ATL2: variants seen among roughly 807,000 people sequenced by gnomAD.
The protein encoded by ATL2 is atlastin-2.
In ATL2, 31 loss-of-function variants were observed where a neutral mutation model predicts 73.9. The observed-to-expected ratio is 0.42, with a 90% CI of 0.32 to 0.57. ATL2 has a LOEUF of 0.57. ATL2 is among the 20% of genes least tolerant of loss of function. ATL2 has a pLI of 0.14. For synonymous variants in ATL2, 291 were observed against 237.5 expected (o/e 1.23, Z -2.07); for missense variants, 738 against 702.6 (o/e 1.05, Z -0.57).
intron 1 of ATL2, among the ~76,000 whole-genome samples, chr2:38,364,418 G>A (rs954543261): frequency 3.9e-5 from 6 of 152,168 alleles, no homozygotes; most frequent in Non-Finnish European, 8.8e-5. Flanking sequence ...AGTGTAATGC[G>A]CAAATCAGAT....
chr2:38,369,540 C>A (rs890268846), intron 1 of ATL2, among the ~76,000 whole-genome samples: 4 of 151,624 alleles, frequency 2.6e-5, no homozygotes, highest in African/African-American at 9.7e-5. Flanking sequence ...CCCGCCTTAG[C>A]CTCCCAAAGT....
intron 1 of ATL2, among the ~76,000 whole-genome samples, chr2:38,355,218 C>T (rs1670588620): frequency 6.6e-6 from 1 of 152,076 alleles, no homozygotes; most frequent in Non-Finnish European, 1.5e-5. Context: ...CCTCCGCCTC[C>T]TGGGTTCAAG....
chr2:38,377,562 C>T (rs1259646807), upstream of ATL2, among the ~76,000 whole-genome samples: 1 of 152,130 alleles, frequency 6.6e-6, no homozygotes, highest in East Asian at 1.9e-4. Context: ...CTCACACCCC[C>T]ACCTCCCTGA....
intron 2 of ATL2, among the ~76,000 whole-genome samples, chr2:38,319,393 A>C (rs1668196865): frequency 6.6e-6 from 1 of 152,046 alleles, no homozygotes; most frequent in South Asian, 2.1e-4. Context: ...GAGGCCAGGA[A>C]TTTGAGACCA....
At chr2:38,314,786 T>C in intron 5 of ATL2, 122 bp from the exon 6 acceptor site, 1 of 634,864 alleles carries the variant, frequency 1.6e-6, no homozygotes, top group South Asian at 2.4e-5. Flanking sequence ...AGCCAAACAT[T>C]TAATTTTCTA....
chr2:38,356,748 CTG>C (rs2124454225), intron 1 of ATL2, among the ~76,000 whole-genome samples: 1 of 152,266 alleles, frequency 6.6e-6, no homozygotes, highest in African/African-American at 2.4e-5. Flanking sequence ...TTAAATAAAA[CTG>C]AAAATTAAGT....
intron 7 of ATL2, 122 bp from the exon 8 acceptor site, chr2:38,310,569 CT>C (rs919066207): frequency 3.2e-6 from 2 of 616,320 alleles, no homozygotes; most frequent in Non-Finnish European, 4.7e-6. Flanking sequence ...CCTAAGGAGT[CT>C]TTTTTGACAA....
chr2:38,357,905 T>A (rs1670771151), intron 1 of ATL2, among the ~76,000 whole-genome samples: 1 of 152,110 alleles, frequency 6.6e-6, no homozygotes, highest in Non-Finnish European at 1.5e-5. Context: ...ATTTTAAAAA[T>A]AAGAAAAACA....
At chr2:38,324,765 G>C (rs1469114611) in intron 2 of ATL2, among the ~76,000 whole-genome samples, 1 of 152,214 alleles carries the variant, frequency 6.6e-6, no homozygotes, top group Non-Finnish European at 1.5e-5. Context: ...AAGACACTAT[G>C]CTAAATGAAA....
chr2:38,334,023 A>G (rs914617681), intron 2 of ATL2, among the ~76,000 whole-genome samples: 7 of 137,024 alleles, frequency 5.1e-5, no homozygotes, highest in African/African-American at 1.9e-4. Flanking sequence ...TCTGTATCCA[A>G]TCCTCTTTTT....
In ATL2 at chr2:38,339,368, C is replaced by T. The variant is rs369702094; in HGVS notation, c.363+3900G>A. On this transcript the variant is annotated intron_variant, in intron 2 of 12. Coordinates refer to ENST00000378954, the MANE Select transcript of ATL2 (RefSeq NM_001135673.4). Reference sequence around the variant, plus strand: ...GCACCAATGGAAAAACTGCAGAAGCCGGAACGAAGTCAAGGACTTAGTTAA... The same window carrying T: ...GCACCAATGGAAAAACTGCAGAAGCTGGAACGAAGTCAAGGACTTAGTTAA... 4.0e-4 allele frequency among the ~76,000 whole-genome samples: 61 copies of T among 152,070 alleles called. 2 individuals are homozygous for T. The highest frequency in any genetic ancestry group is 2.4e-4 in the African/African-American group (10 of 41,468).
At chr2:38,364,843 G>A (rs1455288328) in intron 1 of ATL2, among the ~76,000 whole-genome samples, 1 of 152,056 alleles carries the variant, frequency 6.6e-6, no homozygotes, top group African/African-American at 2.4e-5. Context: ...AGGAGATTGA[G>A]ACCATCCTGG....
At chr2:38,340,757 G>C (rs532065278) in intron 2 of ATL2, among the ~76,000 whole-genome samples, 3 of 152,280 alleles carry the variant, frequency 2.0e-5, no homozygotes, top group African/African-American at 7.2e-5. Flanking sequence ...AGTTTAAGTG[G>C]AGGCACATTA....
chr2:38,344,708 A>G (rs1262647803), intron 1 of ATL2, among the ~76,000 whole-genome samples: 2 of 151,948 alleles, frequency 1.3e-5, no homozygotes, highest in African/African-American at 4.9e-5. Flanking sequence ...GATACTTACA[A>G]TGAGTCCCTA....
At chr2:38,324,711 A>G (rs920955548) in intron 2 of ATL2, among the ~76,000 whole-genome samples, 1 of 152,226 alleles carries the variant, frequency 6.6e-6, no homozygotes, top group East Asian at 1.9e-4. Context: ...GGAATTTAAC[A>G]TATTTTGATA....
In ATL2 at chr2:38,324,580, C is replaced by T. The variant is rs529200452; in HGVS notation, c.364-5561G>A. On this transcript the variant is annotated intron_variant, in intron 2 of 12. Coordinates refer to ENST00000378954, the MANE Select transcript of ATL2 (RefSeq NM_001135673.4). ...AACTGTCTAACATCTTATCCAACCCCATTCCCACCCCATGCCCAACTCTTC... is the reference window on the plus strand; with the variant it reads ...AACTGTCTAACATCTTATCCAACCCTATTCCCACCCCATGCCCAACTCTTC... 1.2e-4 allele frequency among the ~76,000 whole-genome samples: 18 copies of T among 152,300 alleles called. 1 individual carries two copies. The South Asian group carries it at 3.7e-3, about 32-fold the overall frequency.
At chr2:38,306,225 C>A (rs1437921871) in intron 9 of ATL2, among the ~76,000 whole-genome samples, 1 of 152,120 alleles carries the variant, frequency 6.6e-6, no homozygotes. Flanking sequence ...AGACCAATAA[C>A]AAGTAACGAG....
intron 12 of ATL2, 129 bp from the exon 13 acceptor site, chr2:38,296,242 T>C (rs1051330110): frequency 2.1e-4 from 295 of 1,427,218 alleles, no homozygotes; most frequent in Non-Finnish European, 2.6e-4. Flanking sequence ...AATAAAAAGA[T>C]GCTTCTCTCA....
At chr2:38,361,243 A>G (rs112819427) in intron 1 of ATL2, among the ~76,000 whole-genome samples, 4,604 of 151,720 alleles carry the variant, frequency 0.03, 104 homozygotes, top group Non-Finnish European at 0.048. Context: ...AGTCCCAGCT[A>G]CTAGGGAGGC....
Sources: allele counts gnomAD v4.1 joint callset (sites outside exome capture counted in the v4.1 genomes callset), GRCh38; gene constraint gnomAD v4.1.1; transcripts MANE v1.5; gene names NCBI Gene and HGNC (gene_info 2026-07-23, HGNC 2026-07-21).